Variants in SLC45A2 observed in about 807,000 individuals in gnomAD.
The protein encoded by SLC45A2 is membrane-associated transporter protein.
A neutral mutation model predicts 45.5 loss-of-function variants in SLC45A2; 36 were observed. That is an observed-to-expected ratio of 0.79 (90% confidence interval 0.61 to 1.04). The LOEUF (loss-of-function observed/expected upper bound fraction) is 1.04. Ranked by LOEUF, SLC45A2 falls within the 50% of genes least tolerant of loss-of-function variation. The pLI is 0.00. For synonymous variants in SLC45A2, 306 were observed against 269.3 expected (o/e 1.14, Z -1.33); for missense variants, 719 against 671.0 (o/e 1.07, Z -0.79).
intron 6 of SLC45A2, chr5:33,946,869 G>T (rs566067450): frequency 1.5e-6 from 2 of 1,365,854 alleles, no homozygotes; most frequent in East Asian, 5.8e-5. Flanking sequence ...ATTGTGGGCT[G>T]GTTTCTCAGC....
intron 2 of SLC45A2, among the ~76,000 whole-genome samples, chr5:33,968,257 AC>A (rs1409325541): frequency 6.6e-6 from 1 of 151,930 alleles, no homozygotes; most frequent in Non-Finnish European, 1.5e-5. Context: ...AATCTCCCCA[AC>A]AAAACCTAAT....
intron 5 of SLC45A2, among the ~76,000 whole-genome samples, chr5:33,947,799 T>G (rs1751984150): frequency 1.3e-5 from 2 of 152,174 alleles, no homozygotes; most frequent in African/African-American, 4.8e-5. Context: ...CAACCCAAAG[T>G]CAGGTTGGGG....
intron 5 of SLC45A2, among the ~76,000 whole-genome samples, chr5:33,948,191 G>GC (rs1195421996): frequency 6.6e-5 from 10 of 152,238 alleles, no homozygotes; most frequent in Non-Finnish European, 1.2e-4. Flanking sequence ...GACAGGCTGA[G>GC]CTGGAGACAG....
chr5:33,968,572 A>G (rs1158948477), intron 2 of SLC45A2, among the ~76,000 whole-genome samples: 2 of 152,264 alleles, frequency 1.3e-5, no homozygotes, highest in African/African-American at 2.4e-5. Flanking sequence ...ATAACTAATG[A>G]TGCAACTTGA....
rs1282575076 is a variant in SLC45A2, at chr5:33,958,244, T to C, written c.889-3740A>G. ...AGATTTTATGAGATCTGGTTTAAAC[T>C]TCTGAAATAATTCAGCCCTCTTGCC... On this transcript the variant is annotated intron_variant, in intron 3 of 6. Transcript: ENST00000296589. 2.6e-5 allele frequency among the ~76,000 whole-genome samples: 4 copies of C among 152,318 alleles called. No individual in the cohort carries two copies. In the East Asian group the frequency reaches 5.8e-4, roughly 22 times the overall value.
intron 6 of SLC45A2, 51 bp downstream of exon 6, chr5:33,947,112 C>T: frequency 6.2e-7 from 1 of 1,614,160 alleles, no homozygotes; most frequent in Non-Finnish European, 8.5e-7. Context: ...CCTCCCCAGC[C>T]TTCAGATGAG....
chr5:33,952,515 G>GT (rs1254415640), intron 4 of SLC45A2, among the ~76,000 whole-genome samples: 1 of 151,802 alleles, frequency 6.6e-6, no homozygotes, highest in Non-Finnish European at 1.5e-5. Context: ...AGAGGTCTCT[G>GT]TAGTAAATCC....
At chr5:33,972,263 G>A (rs1358525374) in intron 2 of SLC45A2, 3 of 504,492 alleles carry the variant, frequency 5.9e-6, no homozygotes, top group Non-Finnish European at 1.2e-5. Context: ...GAATCAAATG[G>A]ATGGATTTGA....
intron 6 of SLC45A2, chr5:33,946,020 T>C (rs577669026): frequency 1.0e-6 from 1 of 985,464 alleles, no homozygotes; most frequent in Non-Finnish European, 1.2e-6. Flanking sequence ...TTATCTCACC[T>C]AAAAATGAAC....
intron 2 of SLC45A2, among the ~76,000 whole-genome samples, chr5:33,976,899 C>T (rs16892055): frequency 0.033 from 5,012 of 152,236 alleles, 152 homozygotes; most frequent in African/African-American, 0.086. Flanking sequence ...CTGGACTCAG[C>T]GGCAACAAGG....
intron 6 of SLC45A2, chr5:33,946,303 C>T (rs963422794): frequency 4.1e-6 from 4 of 985,324 alleles, no homozygotes; most frequent in African/African-American, 3.5e-5. Context: ...TGCACCTCTG[C>T]CCTGCTGCCA....
At chr5:33,946,867 C>A in intron 6 of SLC45A2, 1 of 1,357,776 alleles carries the variant, frequency 7.4e-7, no homozygotes, top group South Asian at 1.7e-5. Context: ...TAATTGTGGG[C>A]TGGTTTCTCA....
chr5:33,963,721 C>G lies in SLC45A2; in HGVS notation c.858G>C (p.Gln286His). 6.2e-7 allele frequency: 1 copy of G among 1,614,036 alleles called. No homozygotes were observed. The highest frequency in any genetic ancestry group is 8.5e-7 in the Non-Finnish European group (1 of 1,179,996). Residue 286 changes from glutamine (Q) to histidine (H), a missense_variant, in exon 3 of 7, where the codon CAG (glutamine) becomes CAC (histidine). Coordinates refer to ENST00000296589, the MANE Select transcript of SLC45A2 (RefSeq NM_016180.5). ...NGYVNPELAMQGAKNKNHAEQ... is the reference protein window; with the variant it reads ...NGYVNPELAMHGAKNKNHAEQ... ...CAGCATGATTTTTGTTTTTTGCTCC[C>G]TGCATTGCCAGCTCTGGATTTACGT...
At chr5:33,956,741 T>C (rs1190940323) in intron 3 of SLC45A2, among the ~76,000 whole-genome samples, 2 of 152,094 alleles carry the variant, frequency 1.3e-5, no homozygotes, top group African/African-American at 2.4e-5. Flanking sequence ...TCTTAAAAAA[T>C]CTATAAAGGG....
chr5:33,961,794 CA>C (rs1391802360), intron 3 of SLC45A2, among the ~76,000 whole-genome samples: 1 of 152,124 alleles, frequency 6.6e-6, no homozygotes, highest in Non-Finnish European at 1.5e-5. Flanking sequence ...CTGTTCCTGC[CA>C]AAGTTACCCC....
intron 3 of SLC45A2, among the ~76,000 whole-genome samples, chr5:33,959,990 C>CA (rs972089275): frequency 2.6e-5 from 4 of 151,596 alleles, no homozygotes; most frequent in South Asian, 2.1e-4. Flanking sequence ...CTATACATAG[C>CA]AAAAAAAATT....
intron 1 of SLC45A2, among the ~76,000 whole-genome samples, chr5:33,982,672 T>C (rs988625000): frequency 6.6e-6 from 1 of 152,142 alleles, no homozygotes; most frequent in African/African-American, 2.4e-5. Context: ...GACGTGACTA[T>C]TGATGGTAAT....
At chr5:33,947,444 C>T in intron 5 of SLC45A2, 70 bp from the exon 6 acceptor site, 1 of 1,385,304 alleles carries the variant, frequency 7.2e-7, no homozygotes, top group Non-Finnish European at 1.0e-6. Context: ...TCAGACAATC[C>T]TTTCTTCTGA....
intron 2 of SLC45A2, among the ~76,000 whole-genome samples, chr5:33,979,565 A>T (rs1753016317): frequency 6.6e-6 from 1 of 152,238 alleles, no homozygotes; most frequent in African/African-American, 2.4e-5. Flanking sequence ...ACAGCTTTTC[A>T]GGGCCATTTC....
Sources: allele counts gnomAD v4.1 joint callset (sites outside exome capture counted in the v4.1 genomes callset), GRCh38; gene constraint gnomAD v4.1.1; transcripts MANE v1.5; gene names NCBI Gene and HGNC (gene_info 2026-07-23, HGNC 2026-07-21).